FMN2: variants seen among roughly 807,000 people sequenced by gnomAD.
The protein encoded by FMN2 is formin-2.
In FMN2, 51 loss-of-function variants were observed where a neutral mutation model predicts 142.3. The observed-to-expected ratio is 0.36, with a 90% CI of 0.29 to 0.45. The LOEUF is 0.45. FMN2 is among the 20% of genes least tolerant of loss of function. The pLI is 1.00. For missense variants in FMN2, 1,936 were observed against 2,122.8 expected (o/e 0.91, Z 1.73); for synonymous variants, 882 against 869.8 (o/e 1.01, Z -0.25).
intron 7 of FMN2, among the ~76,000 whole-genome samples, chr1:240,276,533 A>G (rs1437980349): frequency 5.3e-5 from 8 of 152,204 alleles, no homozygotes; most frequent in Admixed American, 5.2e-4. Context: ...CAATCATCTG[A>G]AATAATCATG....
chr1:240,207,642 C>T lies in FMN2; in HGVS notation c.2830C>T (p.Pro944Ser). 1 of 1,129,360 alleles carries T rather than the reference C, an allele frequency of 8.9e-7. No homozygotes were observed. The highest frequency in any genetic ancestry group is 1.2e-6 in the Non-Finnish European group (1 of 862,638). 70.0% of individuals were successfully genotyped at this position (1,129,360 alleles called of 1,614,324 possible). A position where few individuals can be genotyped will look rare whatever the true frequency, so the allele number is the denominator to read the frequency against. The change falls in exon 5 of 18, where the codon CCT becomes TCT. Residue 944 changes from proline (P) to serine (S), a missense_variant. Pro to Ser is a moderately conservative substitution (Grantham distance 74). Coordinates refer to ENST00000319653, the MANE Select transcript of FMN2 (RefSeq NM_020066.5). ...LPPLPGAGIP[P>S]PPPLPGAAIP... ...CCCTCTACCCGGAGCGGGAATACCT[C>T]CTCCGCCCCCTCTACCCGGAGCGGC... is the stretch of plus-strand genomic sequence containing the variant.
intron 2 of FMN2, among the ~76,000 whole-genome samples, chr1:240,148,113 T>A (rs1224022651): frequency 2.6e-5 from 4 of 152,148 alleles, no homozygotes; most frequent in African/African-American, 4.8e-5. Context: ...CATTATGGCT[T>A]TGGTTAACTT....
intron 7 of FMN2, among the ~76,000 whole-genome samples, chr1:240,260,450 G>A (rs1668588061): frequency 6.6e-6 from 1 of 151,908 alleles, no homozygotes. Context: ...GGCCATTCTT[G>A]CAGGAGTAAG....
At chr1:240,458,704 C>T (rs1401874291) in intron 16 of FMN2, 3 of 152,288 alleles carry the variant, frequency 2.0e-5, no homozygotes, top group Admixed American at 6.5e-5. Flanking sequence ...ATGTAATAAA[C>T]AGCACTATTC....
At chr1:240,427,173 A>T (rs868435967) in intron 15 of FMN2, among the ~76,000 whole-genome samples, 2,437 of 15,006 alleles carry the variant, frequency 0.16, 126 homozygotes, top group African/African-American at 0.3. Context: ...AACTGATTTT[A>T]TATATATATA....
chr1:240,270,288 G>T (rs1188722649), intron 7 of FMN2, among the ~76,000 whole-genome samples: 1 of 152,096 alleles, frequency 6.6e-6, no homozygotes, highest in African/African-American at 2.4e-5. Context: ...CATACTGTTG[G>T]TGGAATGTAA....
chr1:240,129,322 ATATT>A (rs1435831487), intron 2 of FMN2, among the ~76,000 whole-genome samples: 1 of 152,068 alleles, frequency 6.6e-6, no homozygotes, highest in African/African-American at 2.4e-5. Flanking sequence ...TTTTTGCTGT[ATATT>A]TATTTTTGAA....
chr1:240,187,908 G>A lies in FMN2; in HGVS notation c.1931-299G>A, dbSNP rs181145703. On this transcript the variant is annotated intron_variant, in intron 3 of 17. Transcript: ENST00000319653. ...AATATAATCTGTGAAAGTCTTAGAAGGACTTTCTGGCACAATTTAGAAACT... is the reference window on the plus strand; with the variant it reads ...AATATAATCTGTGAAAGTCTTAGAAAGACTTTCTGGCACAATTTAGAAACT... Among the ~76,000 whole-genome samples the A allele has an allele frequency of 1.5e-3, 231 of 152,198 alleles. 2 individuals carry two copies. Among genetic ancestry groups the A allele is most frequent in the African/African-American group, 5.3e-3 (220 of 41,518 alleles).
At chr1:240,456,670 G>C (rs1188517961) in intron 16 of FMN2, among the ~76,000 whole-genome samples, 1 of 152,128 alleles carries the variant, frequency 6.6e-6, no homozygotes, top group Non-Finnish European at 1.5e-5. Flanking sequence ...TGGTCAGACT[G>C]GTCGCGAACT....
intron 6 of FMN2, among the ~76,000 whole-genome samples, chr1:240,240,037 C>T (rs957725095): frequency 4.6e-5 from 7 of 152,268 alleles, no homozygotes; most frequent in South Asian, 2.1e-4. Flanking sequence ...TTCTAGTTAA[C>T]AATTTGAAAA....
At chr1:240,166,120 G>A (rs1664471073) in intron 2 of FMN2, among the ~76,000 whole-genome samples, 1 of 149,212 alleles carries the variant, frequency 6.7e-6, no homozygotes, top group East Asian at 1.9e-4. Context: ...ACATTTATGT[G>A]TTCCATGTTT....
intron 15 of FMN2, among the ~76,000 whole-genome samples, chr1:240,393,943 A>G (rs986041461): frequency 3.3e-5 from 5 of 152,158 alleles, no homozygotes; most frequent in African/African-American, 4.8e-5. Context: ...GAAGGCTTTA[A>G]TTGGGTGCTG....
At chr1:240,264,877 G>A (rs564141287) in intron 7 of FMN2, among the ~76,000 whole-genome samples, 125 of 152,112 alleles carry the variant, frequency 8.2e-4, no homozygotes, top group Non-Finnish European at 1.1e-3. Flanking sequence ...CCTTCCCTCT[G>A]ATATTATTGG....
Position 240,379,850 on chromosome 1 carries a change from T to C in FMN2, c.4859-12661T>C, listed in dbSNP as rs558534758. Among the ~76,000 whole-genome samples the C allele has an allele frequency of 1.1e-3, 171 of 152,186 alleles. 3 individuals carry two copies. The South Asian group carries it at 0.035, about 31-fold the overall frequency. On this transcript the variant is annotated intron_variant, in intron 14 of 17. Transcript: ENST00000319653. Reference sequence around the variant, plus strand: ...ATGATAAACAAAATAGATAGACCACTAGCTAGATTAACCAAGGAAAAAAAG... The same window carrying C: ...ATGATAAACAAAATAGATAGACCACCAGCTAGATTAACCAAGGAAAAAAAG...
At chr1:240,400,499 T>A (rs1052767554) in intron 15 of FMN2, among the ~76,000 whole-genome samples, 1 of 152,204 alleles carries the variant, frequency 6.6e-6, no homozygotes, top group Non-Finnish European at 1.5e-5. Flanking sequence ...TAGGACCTTG[T>A]ATGTAAGCAG....
chr1:240,450,888 C>T (rs1418381415), intron 16 of FMN2, among the ~76,000 whole-genome samples: 1 of 152,178 alleles, frequency 6.6e-6, no homozygotes, highest in African/African-American at 2.4e-5. Context: ...GGGCAAGCCA[C>T]CTCCACCATG....
chr1:240,122,551 G>C (rs1662326440), intron 1 of FMN2, among the ~76,000 whole-genome samples: 1 of 152,046 alleles, frequency 6.6e-6, no homozygotes, highest in African/African-American at 2.4e-5. Flanking sequence ...CCAAAGTGCT[G>C]GGATTACAGG....
At chr1:240,427,171 T>TTTTATATATATATATA (rs1222415126) in intron 15 of FMN2, among the ~76,000 whole-genome samples, 3 of 136,920 alleles carry the variant, frequency 2.2e-5, no homozygotes, top group African/African-American at 9.7e-5. Flanking sequence ...ACAACTGATT[T>TTTTATATATATATATA]TATATATATA....
chr1:240,447,142 T>A (rs2103199526), intron 16 of FMN2, among the ~76,000 whole-genome samples: 1 of 152,210 alleles, frequency 6.6e-6, no homozygotes, highest in East Asian at 1.9e-4. Context: ...AGACAGCAAT[T>A]CGCTCACCTG....
Sources: gnomAD v4.1 joint callset for allele counts (sites outside exome capture counted in the v4.1 genomes callset) on GRCh38, gnomAD v4.1.1 for gene constraint, MANE v1.5 for transcripts, NCBI Gene and HGNC (gene_info 2026-07-23, HGNC 2026-07-21) for gene names.